Variants in PITPNM2 observed in about 807,000 individuals in gnomAD.
PITPNM2 encodes the protein membrane-associated phosphatidylinositol transfer protein 2.
PITPNM2 carries 35 observed loss-of-function variants against 132.2 expected under a neutral mutation model. That is an observed-to-expected ratio of 0.26 (90% CI 0.20 to 0.35). The LOEUF (loss-of-function observed/expected upper bound fraction) is 0.35, where lower values mean the gene tolerates loss of function less well. Ranked by LOEUF, PITPNM2 falls within the 10% of genes least tolerant of loss-of-function variation. The pLI is 1.00. For synonymous variants in PITPNM2, 738 were observed against 799.2 expected (o/e 0.92, Z 1.29); for missense variants, 1,332 against 1,912.0 (o/e 0.70, Z 5.66).
At position 123,078,821 on chromosome 12, in the gene PITPNM2, G is replaced by C. The variant is rs1454775920; in HGVS notation, c.-96+31564C>G. On this transcript the variant is annotated intron_variant, in intron 2 of 25. Coordinates refer to ENST00000320201, the MANE Select transcript of PITPNM2 (RefSeq NM_020845.3). This position sits in a 1 kb window ranked among gnomAD's most constrained non-coding sequence, Gnocchi z 7.3. ...CCATCACGCCTGTGCCAGCCTCACT[G>C]CTGCAGCTGCCCACGTCCCAGCTTC... 6.6e-6 allele frequency among the ~76,000 whole-genome samples: 1 copy of C among 152,202 alleles called. No individual in the cohort carries two copies. The highest frequency in any genetic ancestry group is 1.5e-5 in the Non-Finnish European group (1 of 68,034).
chr12:123,034,261 G>C lies in PITPNM2; in HGVS notation c.78+252C>G, dbSNP rs2040195548. ...AGGGAGATAATGGTGCTGAACGCAAGGGCAAGTGTTCGCGTTGTAGGCGGC... is the reference window on the plus strand; with the variant it reads ...AGGGAGATAATGGTGCTGAACGCAACGGCAAGTGTTCGCGTTGTAGGCGGC... On this transcript the variant is annotated intron_variant, in intron 3 of 25. Transcript: ENST00000320201. The C allele has an allele frequency of 5.9e-6, 3 of 510,048 alleles. No individual in the cohort carries two copies. The South Asian group carries it at 1.0e-4, about 17-fold the overall frequency. The allele number at this position is 510,048 out of a possible 1,614,324, so 31.6% of individuals were successfully genotyped here.
intron 1 of PITPNM2, among the ~76,000 whole-genome samples, chr12:123,133,919 T>A (rs1190559405): frequency 6.6e-6 from 1 of 152,100 alleles, no homozygotes. Flanking sequence ...TGACCTCAGG[T>A]GATACGCCCA....
intron 2 of PITPNM2, among the ~76,000 whole-genome samples, chr12:123,066,910 T>C (rs2041439897): frequency 6.6e-6 from 1 of 152,156 alleles, no homozygotes; most frequent in East Asian, 1.9e-4. Context: ...TGGGACCCGC[T>C]GCCAGGCCAC....
chr12:123,058,922 C>T lies in PITPNM2; in HGVS notation c.-95-24237G>A, dbSNP rs2041134197. On this transcript the variant is annotated intron_variant, in intron 2 of 25. Coordinates refer to ENST00000320201, the MANE Select transcript of PITPNM2 (RefSeq NM_020845.3). This position sits in a 1 kb window ranked among gnomAD's most constrained non-coding sequence, Gnocchi z 4.0. ...GTGCCCAGGTGCATTGAGAGCACCT[C>T]AGCCCCAGCTCCCACCACACCCCAT... is the stretch of plus-strand genomic sequence containing the variant. Among the ~76,000 whole-genome samples the T allele has an allele frequency of 6.6e-6, 1 of 152,134 alleles. No individual in the cohort carries two copies. The highest frequency in any genetic ancestry group is 2.4e-5 in the African/African-American group (1 of 41,434).
intron 2 of PITPNM2, among the ~76,000 whole-genome samples, chr12:123,075,154 G>T (rs1466254449): frequency 3.3e-5 from 5 of 151,496 alleles, no homozygotes; most frequent in Non-Finnish European, 7.3e-5. Context: ...GTATCTGCAA[G>T]CATATGTGCA....
Position 123,023,376 on chromosome 12 carries a change from G to A in PITPNM2, c.79-9334C>T, listed in dbSNP as rs115931938. ...CTTCTGGGTGGAGCAGAAGGTGCAC[G>A]TGACCAGAGCCATCTCTAGAGAAGG... is the stretch of plus-strand genomic sequence containing the variant. On this transcript the variant is annotated intron_variant, in intron 3 of 25. Coordinates refer to ENST00000320201, the MANE Select transcript of PITPNM2 (RefSeq NM_020845.3). The surrounding 1 kb of genome is among the most constrained non-coding windows in gnomAD (Gnocchi z 4.8). Among the ~76,000 whole-genome samples the A allele has an allele frequency of 9.2e-3, 1,407 of 152,320 alleles. 23 individuals carry two copies. The highest frequency in any genetic ancestry group is 0.032 in the African/African-American group (1,315 of 41,562).
rs2042516879 is a variant in PITPNM2 at position 123,099,964 on chromosome 12, A to AT, written c.-96+10420dup. ...AGAGCACCCAGGTGTGCAGGCATCCATGCCCGGGGGAAGTAAGAATTGCAG... is the reference window on the plus strand; with the variant it reads ...AGAGCACCCAGGTGTGCAGGCATCCATTGCCCGGGGGAAGTAAGAATTGCAG... On this transcript the variant is annotated intron_variant, in intron 2 of 25. Coordinates refer to ENST00000320201, the MANE Select transcript of PITPNM2 (RefSeq NM_020845.3). This position sits in a 1 kb window ranked among gnomAD's most constrained non-coding sequence, Gnocchi z 4.2. Among the ~76,000 whole-genome samples the AT allele has an allele frequency of 6.6e-6, 1 of 152,230 alleles. No individual in the cohort carries two copies. The highest frequency in any genetic ancestry group is 2.4e-5 in the African/African-American group (1 of 41,456).
chr12:123,116,127 AGCCAACAGTATGG>A (rs2042932410), intron 1 of PITPNM2, among the ~76,000 whole-genome samples: 1 of 152,164 alleles, frequency 6.6e-6, no homozygotes, highest in Non-Finnish European at 1.5e-5. Context: ...GGCCTGTTTT[AGCCAACAGTATGG>A]GATGGAAGTA....
intron 2 of PITPNM2, among the ~76,000 whole-genome samples, chr12:123,066,958 G>T (rs1344597877): frequency 6.6e-6 from 1 of 152,170 alleles, no homozygotes; most frequent in African/African-American, 2.4e-5. Context: ...CCTTTATCTG[G>T]TGACATTCTG....
At chr12:123,128,925 A>G (rs1203680999) in intron 1 of PITPNM2, among the ~76,000 whole-genome samples, 2 of 152,074 alleles carry the variant, frequency 1.3e-5, no homozygotes, top group African/African-American at 4.8e-5. Context: ...ACCTGAGGTC[A>G]GGAGTTCAAG....
chr12:123,032,192 G>A (rs2040117458), intron 3 of PITPNM2, among the ~76,000 whole-genome samples: 1 of 152,220 alleles, frequency 6.6e-6, no homozygotes, highest in South Asian at 2.1e-4. Context: ...AAAAAACCCT[G>A]AAGTGGCTGG....
chr12:123,000,614 CA>C lies in PITPNM2; in HGVS notation c.1224+163del. Reference sequence around the variant, plus strand: ...GACAGGCGCCTTCCTAGCAGGGCAGCAAAAAAGGAGGCCCAGGCCTCTCCCC... The same window carrying C: ...GACAGGCGCCTTCCTAGCAGGGCAGCAAAAAGGAGGCCCAGGCCTCTCCCC... On this transcript the variant is annotated intron_variant, in intron 10 of 25. Transcript: ENST00000320201. The surrounding 1 kb of genome is among the most constrained non-coding windows in gnomAD (Gnocchi z 5.4). 7.7e-6 allele frequency: 6 copies of C among 779,904 alleles called. No individual in the cohort carries two copies. The highest frequency in any genetic ancestry group is 1.7e-5 in the South Asian group (1 of 58,156). 48.3% of individuals were successfully genotyped at this position (779,904 alleles called of 1,614,324 possible).
chr12:123,123,804 GA>G (rs1477427713), intron 1 of PITPNM2, among the ~76,000 whole-genome samples: 5 of 151,446 alleles, frequency 3.3e-5, no homozygotes. Context: ...GGTGTAGGGG[GA>G]CATTCCTGTA....
intron 3 of PITPNM2, among the ~76,000 whole-genome samples, chr12:123,026,032 C>G (rs2039852069): frequency 6.6e-6 from 1 of 152,162 alleles, no homozygotes; most frequent in African/African-American, 2.4e-5. Flanking sequence ...CCCAAAGCAC[C>G]AAGGTGGCTC....
At chr12:123,141,521 C>T (rs1303113921) in intron 1 of PITPNM2, among the ~76,000 whole-genome samples, 2 of 152,100 alleles carry the variant, frequency 1.3e-5, no homozygotes, top group Admixed American at 6.5e-5. Context: ...GCCAGGGATG[C>T]CTCTGGTTTG....
chr12:123,129,506 C>T (rs2043217166), intron 1 of PITPNM2, among the ~76,000 whole-genome samples: 1 of 151,070 alleles, frequency 6.6e-6, no homozygotes, highest in African/African-American at 2.4e-5. Flanking sequence ...GGAGGCGGAG[C>T]TTGCAGTGAG....
At chr12:123,051,820 C>T (rs2040864761) in intron 2 of PITPNM2, among the ~76,000 whole-genome samples, 1 of 152,034 alleles carries the variant, frequency 6.6e-6, no homozygotes, top group Non-Finnish European at 1.5e-5. Flanking sequence ...GAGTTAACAC[C>T]CATCTGCGAT....
At position 123,009,944 on chromosome 12, in the gene PITPNM2, C is replaced by T; in HGVS notation, c.549G>A (p.Gln183=). The T allele has an allele frequency of 6.2e-7, 1 of 1,614,200 alleles. No homozygotes were observed. The highest frequency in any genetic ancestry group is 8.5e-7 in the Non-Finnish European group (1 of 1,180,026). Reference sequence around the variant, plus strand: ...TGTATGCGCACATGATGGGGAAGACCTGCTTCTTGTACTCCTCGATCCAGT... The same window carrying T: ...TGTATGCGCACATGATGGGGAAGACTTGCTTCTTGTACTCCTCGATCCAGT... ...SENWIEEYKK[Q]VFPIMCAYKL... The change falls in exon 6 of 26, where the codon CAG becomes CAA. Residue 183 remains glutamine (Q), a synonymous_variant. Transcript: ENST00000320201. This position sits in a 1 kb window ranked among gnomAD's most constrained non-coding sequence, Gnocchi z 4.8.
chr12:123,066,785 G>A (rs560572410), intron 2 of PITPNM2, among the ~76,000 whole-genome samples: 1 of 150,900 alleles, frequency 6.6e-6, no homozygotes, highest in Non-Finnish European at 1.5e-5. Context: ...TCTCCACAGT[G>A]GCTGCCTACT....
Sources: allele counts gnomAD v4.1 joint callset (sites outside exome capture counted in the v4.1 genomes callset), GRCh38; gene constraint gnomAD v4.1.1; non-coding constraint Gnocchi (gnomAD v3.1); transcripts MANE v1.5; gene names NCBI Gene and HGNC (gene_info 2026-07-23, HGNC 2026-07-21).